The following RGPD1 variants were observed in gnomAD, a reference collection of about 807,000 sequenced individuals.
RGPD1 encodes the protein RANBP2 like and GRIP domain containing 1.
RGPD1 carries 7 observed loss-of-function variants against 40.6 expected under a neutral mutation model. The observed-to-expected ratio is 0.17, with a 90% CI of 0.10 to 0.32. The LOEUF (loss-of-function observed/expected upper bound fraction) is 0.32. Among genes scored for constraint, RGPD1 ranks in the 10% least tolerant of loss-of-function variants. The probability of loss-of-function intolerance (pLI) is 1.00; values close to 1 mark genes in which losing one functional copy is unlikely to be tolerated. For missense variants in RGPD1, 50 were observed against 472.5 expected (o/e 0.11, Z 8.29); for synonymous variants, 24 against 167.0 (o/e 0.14, Z 6.60).
intron 7 of RGPD1, among the ~76,000 whole-genome samples, chr2:86,967,640 C>CT (rs1310745374): frequency 0.034 from 462 of 13,540 alleles, 8 homozygotes; most frequent in African/African-American, 0.069. Flanking sequence ...CTTGCTTTTA[C>CT]TTTTTTTTTT....
chr2:86,942,839 C>T (rs1307404039), intron 1 of RGPD1, among the ~76,000 whole-genome samples: 2 of 151,972 alleles, frequency 1.3e-5, no homozygotes, highest in African/African-American at 2.4e-5. Context: ...CAGGAAGAGT[C>T]CTGGGGGGAC....
chr2:86,937,307 T>A (rs904005689), upstream of RGPD1, among the ~76,000 whole-genome samples: 2 of 151,252 alleles, frequency 1.3e-5, no homozygotes, highest in Non-Finnish European at 2.9e-5. Flanking sequence ...AAGATTTCCT[T>A]ATTCTGACCA....
chr2:86,924,330 A>T (rs1678294335), intron 1 of RGPD1, among the ~76,000 whole-genome samples: 1 of 150,950 alleles, frequency 6.6e-6, no homozygotes, highest in African/African-American at 2.4e-5. Flanking sequence ...TAATTTTTGT[A>T]TTTTTAGTAG....
intron 6 of RGPD1, among the ~76,000 whole-genome samples, chr2:86,960,200 G>T (rs543794751): frequency 1.0e-5 from 1 of 98,418 alleles, no homozygotes; most frequent in Non-Finnish European, 2.0e-5. Context: ...AAGATAAAAA[G>T]CTGGTGCCAC....
At chr2:86,954,776 C>T (rs866088754) in intron 4 of RGPD1, among the ~76,000 whole-genome samples, 3 of 150,464 alleles carry the variant, frequency 2.0e-5, no homozygotes, top group Admixed American at 1.3e-4. Context: ...GTATAGTTTT[C>T]TTTCATTTTA....
In RGPD1 at chr2:87,011,073, C is replaced by T; in HGVS notation, c.5237-1440C>T. ...GAAATGAAAACATTTTCTAGAGCCA[C>T]TCCTGCCCTTCACACTCAGGAATGT... is the stretch of plus-strand genomic sequence containing the variant. On this transcript the variant is annotated intron_variant, in intron 22 of 22. Transcript: ENST00000641458. 5.4e-6 allele frequency: 2 copies of T among 369,396 alleles called. 1 individual carries two copies. The highest frequency in any genetic ancestry group is 4.6e-5 in the South Asian group (2 of 43,378). The allele number at this position is 369,396 out of a possible 1,614,324, so 22.9% of individuals were successfully genotyped here.
intron 1 of RGPD1, among the ~76,000 whole-genome samples, chr2:86,914,669 C>G (rs1481208565): frequency 7.3e-4 from 16 of 22,006 alleles, no homozygotes; most frequent in African/African-American, 2.5e-3. Context: ...CGGCGGCGGC[C>G]TCGACCTGGC....
chr2:86,931,986 ATT>A (rs1679020396), intron 1 of RGPD1, among the ~76,000 whole-genome samples: 1 of 148,034 alleles, frequency 6.8e-6, no homozygotes, highest in African/African-American at 2.5e-5. Flanking sequence ...TAATATTCAT[ATT>A]ATATATATAT....
chr2:86,914,963 A>C (rs1374527690), intron 1 of RGPD1, among the ~76,000 whole-genome samples: 1 of 140,424 alleles, frequency 7.1e-6, no homozygotes, highest in African/African-American at 2.7e-5. Flanking sequence ...GCCTGGCCTA[A>C]GGTACTTCTG....
chr2:86,926,748 T>C (rs1372329207), intron 1 of RGPD1, among the ~76,000 whole-genome samples: 1 of 152,212 alleles, frequency 6.6e-6, no homozygotes, highest in African/African-American at 2.4e-5. Context: ...TGGTAGTTAA[T>C]TAAGGTAGTA....
chr2:86,923,452 C>T (rs1678193508), intron 1 of RGPD1, among the ~76,000 whole-genome samples: 1 of 151,414 alleles, frequency 6.6e-6, no homozygotes, highest in African/African-American at 2.4e-5. Flanking sequence ...TATATGCACA[C>T]TCATGTAACC....
intron 4 of RGPD1, among the ~76,000 whole-genome samples, chr2:86,955,940 CAAGT>C (rs1383546003): frequency 6.7e-6 from 1 of 150,034 alleles, no homozygotes; most frequent in Non-Finnish European, 1.5e-5. Context: ...TGCAGTGTAA[CAAGT>C]AAGATACTTT....
chr2:86,941,698 T>G (rs940444366), upstream of RGPD1, among the ~76,000 whole-genome samples: 7 of 149,814 alleles, frequency 4.7e-5, no homozygotes, highest in East Asian at 3.9e-4. Context: ...CAGGACTGAC[T>G]GCGGGATTTG....
chr2:86,920,009 G>A (rs1678027573), intron 1 of RGPD1, among the ~76,000 whole-genome samples: 1 of 152,002 alleles, frequency 6.6e-6, no homozygotes, highest in South Asian at 2.1e-4. Flanking sequence ...GCACATGAAG[G>A]AATTGCTGTC....
At chr2:86,928,597 TTTGA>T (rs1482246000) in intron 1 of RGPD1, among the ~76,000 whole-genome samples, 1 of 152,206 alleles carries the variant, frequency 6.6e-6, no homozygotes, top group African/African-American at 2.4e-5. Context: ...GTGGATATGG[TTTGA>T]TTGGTGTTAG....
chr2:86,933,757 A>AT (rs536532606), intron 1 of RGPD1, among the ~76,000 whole-genome samples: 132 of 79,960 alleles, frequency 1.7e-3, no homozygotes, highest in Non-Finnish European at 2.5e-3. Context: ...CTAAGAGTAA[A>AT]TTTTTTTTTT....
intron 1 of RGPD1, among the ~76,000 whole-genome samples, chr2:86,935,917 C>T (rs1012945891): frequency 1.4e-5 from 2 of 147,288 alleles, no homozygotes; most frequent in African/African-American, 2.5e-5. Context: ...GATTAATGTT[C>T]AGCACTACTT....
At chr2:86,927,376 T>TC (rs1472807089) in intron 1 of RGPD1, among the ~76,000 whole-genome samples, 2 of 147,908 alleles carry the variant, frequency 1.4e-5, no homozygotes, top group Non-Finnish European at 3.0e-5. Flanking sequence ...ACTCTTTTTT[T>TC]CCCCCAACCT....
upstream of RGPD1, among the ~76,000 whole-genome samples, chr2:86,939,260 CTT>C (rs1444883893): frequency 1.4e-5 from 2 of 139,360 alleles, no homozygotes; most frequent in East Asian, 4.0e-4. Context: ...AGAGAAAAGT[CTT>C]TTGAGTTCCT....
Sources: gnomAD v4.1 joint callset for allele counts (sites outside exome capture counted in the v4.1 genomes callset) on GRCh38, gnomAD v4.1.1 for gene constraint, MANE v1.5 for transcripts, NCBI Gene and HGNC (gene_info 2026-07-23, HGNC 2026-07-21) for gene names.